Variants in NLRP2 observed in about 807,000 individuals in gnomAD.
The protein encoded by NLRP2 is NLR family pyrin domain containing 2.
In NLRP2, 107 loss-of-function variants were observed where a neutral mutation model predicts 97.2. That is an observed-to-expected ratio of 1.10 (90% CI 0.94 to 1.29). NLRP2 has a LOEUF of 1.29. Among genes scored for constraint, NLRP2 ranks in the 50% most tolerant of loss-of-function variants. The pLI, the probability that NLRP2 is intolerant of heterozygous loss-of-function variation, is 0.00. For missense variants in NLRP2, 1,495 were observed against 1,330.3 expected (o/e 1.12, Z -1.93); for synonymous variants, 663 against 551.5 (o/e 1.20, Z -2.83).
At chr19:54,995,541 G>A (rs990551267) in intron 11 of NLRP2, among the ~76,000 whole-genome samples, 8 of 151,558 alleles carry the variant, frequency 5.3e-5, no homozygotes, top group African/African-American at 1.7e-4. Context: ...CTGAGATCCT[G>A]TCACTACACT....
At chr19:54,969,108 T>G (rs269910) in intron 1 of NLRP2, among the ~76,000 whole-genome samples, 21,680 of 152,122 alleles carry the variant, frequency 0.14, 1,986 homozygotes, top group Non-Finnish European at 0.21. Context: ...GTCCTTTCAT[T>G]GTTGTGTTAC....
chr19:54,994,437 G>A lies in NLRP2; in HGVS notation c.2877G>A (p.Leu959=). The stretch of plus-strand genomic sequence containing the variant: ...AACCACTGTGCAACTTGAGATGTCT[G>A]TGGTGAGTTAACTTATAAGTTCAAC... ...LRKPLCNLRC[L]WLWGCSIPPF... The change falls in exon 11 of 13, where the codon CTG becomes CTA. Residue 959 remains leucine, a splice_region_variant and synonymous_variant. Coordinates refer to ENST00000448584, the MANE Select transcript of NLRP2 (RefSeq NM_017852.5). 6.2e-7 allele frequency: 1 copy of A among 1,612,650 alleles called. No individual in the cohort carries two copies.
At chr19:54,972,901 A>G (rs1411179805) in intron 2 of NLRP2, among the ~76,000 whole-genome samples, 1 of 151,268 alleles carries the variant, frequency 6.6e-6, no homozygotes, top group African/African-American at 2.4e-5. Flanking sequence ...AAAAGGAAAC[A>G]TGGTAGGCCG....
At chr19:54,990,464 A>G (rs771253135) in intron 9 of NLRP2, 38 bp from the exon 10 acceptor site, 1 of 1,607,888 alleles carries the variant, frequency 6.2e-7, no homozygotes. Context: ...TTGAAGTTGG[A>G]CCTGTCAACC....
intron 1 of NLRP2, among the ~76,000 whole-genome samples, chr19:54,967,655 T>C (rs977196550): frequency 1.3e-5 from 2 of 151,282 alleles, no homozygotes; most frequent in Admixed American, 6.6e-5. Context: ...AAAAAAAAAA[T>C]ATATTGGAAC....
At chr19:54,973,351 T>TTG (rs200684282) in intron 2 of NLRP2, among the ~76,000 whole-genome samples, 9,983 of 144,178 alleles carry the variant, frequency 0.069, 482 homozygotes, top group East Asian at 0.18. Context: ...AGGGTTTTTT[T>TTG]TTTTTTTTTT....
At chr19:54,993,280 A>G (rs2072609356) in intron 10 of NLRP2, 1 of 150,876 alleles carries the variant, frequency 6.6e-6, no homozygotes, top group Non-Finnish European at 1.5e-5. Flanking sequence ...GTGTGTTTTC[A>G]CTTCTCCATC....
intron 8 of NLRP2, among the ~76,000 whole-genome samples, chr19:54,987,914 G>T (rs373074787): frequency 2.0e-5 from 3 of 151,720 alleles, no homozygotes; most frequent in Non-Finnish European, 2.9e-5. Context: ...ATGGTGGCGC[G>T]TGCCTGTAAT....
intron 10 of NLRP2, chr19:54,993,737 C>CAT (rs2072637367): frequency 4.1e-6 from 1 of 246,712 alleles, no homozygotes; most frequent in Admixed American, 5.2e-5. Flanking sequence ...TACACACACA[C>CAT]ACCCCCCTGT....
At chr19:54,996,298 C>T (rs951937916) in intron 11 of NLRP2, among the ~76,000 whole-genome samples, 3 of 151,922 alleles carry the variant, frequency 2.0e-5, no homozygotes, top group African/African-American at 7.3e-5. Context: ...GTCAGGAGTT[C>T]GTAGACCAGC....
Position 54,982,734 on chromosome 19 carries a change from A to C in NLRP2, c.1036A>C (p.Ile346Leu), listed in dbSNP as rs1161160221. 2.0e-5 allele frequency: 32 copies of C among 1,613,830 alleles called. No individual in the cohort carries two copies. The highest frequency in any genetic ancestry group is 2.5e-5 in the Non-Finnish European group (30 of 1,179,970). Residue 346 changes from isoleucine (I) to leucine (L), a missense_variant, in exon 6 of 13, where the codon ATC becomes CTC. By Grantham distance (5) the Ile-to-Leu change is conservative. Transcript: ENST00000448584. ...TRPRALRDLR[I>L]LAEEPIYIRV... ...GCCCAGGGCCCTGAGGGACCTCCGG[A>C]TCCTGGCGGAGGAGCCGATCTACAT...
intron 6 of NLRP2, 29 bp from the exon 7 acceptor site, chr19:54,985,018 G>A (rs1428077723): frequency 6.2e-7 from 1 of 1,610,754 alleles, no homozygotes; most frequent in Admixed American, 1.7e-5. Flanking sequence ...ACACACATTT[G>A]GTGTAACCCT....
At position 54,982,986 on chromosome 19, in the gene NLRP2, C is replaced by A; in HGVS notation, c.1288C>A (p.Leu430Met). 2.5e-6 allele frequency: 4 copies of A among 1,611,032 alleles called. No individual in the cohort carries two copies. The highest frequency in any genetic ancestry group is 3.4e-6 in the Non-Finnish European group (4 of 1,179,576). Residue 430 changes from leucine to methionine, a missense_variant, in exon 6 of 13, where the codon CTG becomes ATG. By Grantham distance (15) the Leu-to-Met change is conservative. Coordinates refer to ENST00000448584, the MANE Select transcript of NLRP2 (RefSeq NM_017852.5). Reference sequence around the variant, plus strand: ...CTGCCTCACCCGCACGGGGCTGTTCCTGCGTTTCCTCTGCAGCCGGTTCCC... The same window carrying A: ...CTGCCTCACCCGCACGGGGCTGTTCATGCGTTTCCTCTGCAGCCGGTTCCC... ...PTCLTRTGLF[L>M]RFLCSRFPQG... is the part of the protein sequence containing the mutation.
chr19:54,983,026 T>G lies in NLRP2; in HGVS notation c.1328T>G (p.Leu443Arg). ...AGCCGGTTCCCGCAGGGCGCACAGC[T>G]GCGGGGCGCGCTGCGGACGCTGAGC... Reference protein sequence around the residue: ...LCSRFPQGAQLRGALRTLSLL... With the variant: ...LCSRFPQGAQRRGALRTLSLL... Residue 443 changes from leucine (L) to arginine (R), a missense_variant, in exon 6 of 13, where the codon CTG becomes CGG. Leu to Arg is a moderately radical substitution (Grantham distance 102). Coordinates refer to ENST00000448584, the MANE Select transcript of NLRP2 (RefSeq NM_017852.5). The G allele has an allele frequency of 1.2e-6, 2 of 1,610,842 alleles. No individual in the cohort carries two copies. Among genetic ancestry groups the G allele is most frequent in the Non-Finnish European group, 1.7e-6 (2 of 1,179,248 alleles).
Position 54,994,285 on chromosome 19 carries a change from A to G in NLRP2, c.2725A>G (p.Ile909Val). 1.2e-6 allele frequency: 2 copies of G among 1,614,170 alleles called. No homozygotes were observed. Among genetic ancestry groups the G allele is most frequent in the Non-Finnish European group, 8.5e-7 (1 of 1,180,034 alleles). ...LQTLVLWNCDITSDGCCDLTK... is the reference protein window; with the variant it reads ...LQTLVLWNCDVTSDGCCDLTK... Reference sequence around the variant, plus strand: ...GATTTCTAGGCTTTGGAACTGCGACATAACTAGCGATGGCTGCTGCGATCT... The same window carrying G: ...GATTTCTAGGCTTTGGAACTGCGACGTAACTAGCGATGGCTGCTGCGATCT... Residue 909 changes from isoleucine (I) to valine (V), a missense_variant, in exon 11 of 13, where the codon ATA becomes GTA. By Grantham distance (29) the Ile-to-Val change is conservative. Transcript: ENST00000448584.
chr19:54,978,382 A>C (rs1238438641), intron 4 of NLRP2, among the ~76,000 whole-genome samples: 4 of 151,456 alleles, frequency 2.6e-5, no homozygotes, highest in Non-Finnish European at 5.9e-5. Flanking sequence ...CTACAGGTGC[A>C]TGCCACCACG....
At chr19:54,990,707 T>C in intron 10 of NLRP2, 35 bp downstream of exon 10, 2 of 1,610,456 alleles carry the variant, frequency 1.2e-6, no homozygotes, top group Non-Finnish European at 1.7e-6. Context: ...TGCGTGGGTG[T>C]ATATGCACAC....
chr19:54,976,209 C>T (rs2071220823), intron 3 of NLRP2, among the ~76,000 whole-genome samples: 2 of 151,910 alleles, frequency 1.3e-5, no homozygotes, highest in African/African-American at 4.8e-5. Context: ...TGTCTGCCAC[C>T]AAGCCCAGCT....
chr19:54,984,329 G>GTGTGTTGTTTTTTTTTTTTTTTTTTTTT, intron 6 of NLRP2, among the ~76,000 whole-genome samples: 8 of 79,668 alleles, frequency 1.0e-4, no homozygotes, highest in Non-Finnish European at 1.5e-4. Flanking sequence ...TTTTTTTTGT[G>GTGTGTTGTTTTTTTTTTTTTTTTTTTTT]TTTTTTTTTT....
Sources: allele counts gnomAD v4.1 joint callset (sites outside exome capture counted in the v4.1 genomes callset), GRCh38; gene constraint gnomAD v4.1.1; transcripts MANE v1.5; gene names NCBI Gene and HGNC (gene_info 2026-07-23, HGNC 2026-07-21).